Variants in VAPB observed in about 807,000 individuals in gnomAD.
The protein encoded by VAPB is VAMP associated protein B and C.
Under a neutral mutation model 25.6 loss-of-function variants are expected in VAPB, and 7 were observed. That is an observed-to-expected ratio of 0.27 (90% CI 0.16 to 0.51). VAPB has a LOEUF of 0.51. VAPB is among the 20% of genes least tolerant of loss of function. The pLI is 0.97. For synonymous variants in VAPB, 112 were observed against 109.2 expected (o/e 1.03, Z -0.16); for missense variants, 266 against 301.3 (o/e 0.88, Z 0.87).
chr20:58,389,310 C>G lies in VAPB; in HGVS notation c.-150C>G, dbSNP rs572151788. Reference sequence around the variant, plus strand: ...CTGCACCGCGTAGACCGACCCCCCCCCAGCGCGCCCACCCGGTAGAGGACC... The same window carrying G: ...CTGCACCGCGTAGACCGACCCCCCCGCAGCGCGCCCACCCGGTAGAGGACC... On this transcript the variant is annotated 5_prime_UTR_variant, in exon 1 of 6. Coordinates refer to ENST00000475243, the MANE Select transcript of VAPB (RefSeq NM_004738.5). 18 of 724,306 alleles carry G rather than the reference C, an allele frequency of 2.5e-5. 2 individuals are homozygous for G. Among genetic ancestry groups the G allele is most frequent in the East Asian group, 1.7e-4 (5 of 30,078 alleles). The allele number at this position is 724,306 out of a possible 1,614,324, so 44.9% of individuals were successfully genotyped here.
chr20:58,399,157 C>T (rs1009877832), intron 1 of VAPB, among the ~76,000 whole-genome samples: 1 of 151,726 alleles, frequency 6.6e-6, no homozygotes, highest in African/African-American at 2.4e-5. Flanking sequence ...AAAAGTTAGC[C>T]GGGCGTGGTG....
chr20:58,389,792 T>C (rs1438977925), intron 1 of VAPB, among the ~76,000 whole-genome samples: 1 of 152,174 alleles, frequency 6.6e-6, no homozygotes, highest in Non-Finnish European at 1.5e-5. Context: ...CTTGTCACTT[T>C]GTAACTTACC....
chr20:58,420,200 G>C (rs1454713244), intron 2 of VAPB, among the ~76,000 whole-genome samples: 1 of 152,158 alleles, frequency 6.6e-6, no homozygotes, highest in Non-Finnish European at 1.5e-5. Flanking sequence ...GGCTAGGCTG[G>C]TCTCAAACTC....
chr20:58,448,725 A>T lies in VAPB; in HGVS notation c.*4490A>T, dbSNP rs1269597249. On this transcript the variant is annotated 3_prime_UTR_variant, in exon 6 of 6. Coordinates refer to ENST00000475243, the MANE Select transcript of VAPB (RefSeq NM_004738.5). ...TCACACTAAAGTAAGTAGAATTAAG[A>T]CTGTAGTTCAGATGCTTTTTCTTTT... 2.2e-6 allele frequency: 1 copy of T among 454,014 alleles called. No homozygotes were observed. The highest frequency in any genetic ancestry group is 4.4e-6 in the Non-Finnish European group (1 of 226,758). The allele number at this position is 454,014 out of a possible 1,614,324, so 28.1% of individuals were successfully genotyped here.
intron 1 of VAPB, among the ~76,000 whole-genome samples, chr20:58,413,137 TTC>T (rs1415115129): frequency 3.6e-4 from 19 of 52,830 alleles, no homozygotes; most frequent in Admixed American, 1.0e-3. Flanking sequence ...TGTATTTGCC[TTC>T]TTTTTTTTTT....
chr20:58,423,886 G>C (rs1568712100), intron 2 of VAPB, among the ~76,000 whole-genome samples: 1 of 152,170 alleles, frequency 6.6e-6, no homozygotes, highest in Non-Finnish European at 1.5e-5. Context: ...CAGCAGATGA[G>C]AGATTCTGCT....
At chr20:58,428,800 A>G (rs1167098234) in intron 2 of VAPB, among the ~76,000 whole-genome samples, 1 of 152,220 alleles carries the variant, frequency 6.6e-6, no homozygotes, top group Non-Finnish European at 1.5e-5. Context: ...AGCAAATTGA[A>G]TTTGACATGA....
At chr20:58,406,740 A>C (rs555121428) in intron 1 of VAPB, among the ~76,000 whole-genome samples, 1 of 152,186 alleles carries the variant, frequency 6.6e-6, no homozygotes, top group Non-Finnish European at 1.5e-5. Context: ...AACTGTTAAA[A>C]CAACTACAAC....
chr20:58,400,091 C>A (rs543244441), intron 1 of VAPB, among the ~76,000 whole-genome samples: 2 of 152,308 alleles, frequency 1.3e-5, no homozygotes, highest in African/African-American at 4.8e-5. Flanking sequence ...GAAGACTTTA[C>A]AGAATGTGAA....
chr20:58,402,978 C>A (rs1988135426), intron 1 of VAPB, among the ~76,000 whole-genome samples: 1 of 152,088 alleles, frequency 6.6e-6, no homozygotes, highest in South Asian at 2.1e-4. Flanking sequence ...GCACTCCACT[C>A]TGGGTGACAG....
intron 2 of VAPB, among the ~76,000 whole-genome samples, chr20:58,429,640 G>A (rs115477948): frequency 0.01 from 1,543 of 152,314 alleles, 8 homozygotes; most frequent in Middle Eastern, 0.034. Context: ...CATTCCTTCC[G>A]TAAGGGATGT....
rs1392475929 is a variant in VAPB, at chr20:58,440,931, A to G, written c.421A>G (p.Ile141Val). The G allele has an allele frequency of 5.6e-6, 9 of 1,613,914 alleles. No individual in the cohort carries two copies. Among genetic ancestry groups the G allele is most frequent in the Non-Finnish European group, 7.6e-6 (9 of 1,179,886 alleles). ...GCATGATGTAGAAATAAATAAAATT[A>G]TATCCACAACTGCATCAAAGACAGA... ...KPHDVEINKI[I>V]STTASKTETP... is the part of the protein sequence containing the mutation. The change falls in exon 5 of 6, where the codon ATA becomes GTA. Residue 141 changes from isoleucine (I) to valine (V), a missense_variant. By Grantham distance (29) the Ile-to-Val change is conservative. Around this residue, in one of 3 missense-constraint regions of VAPB, gnomAD observed 136 missense variants for 130.7 expected, o/e 1.04. Transcript: ENST00000475243.
At position 58,446,320 on chromosome 20, in the gene VAPB, C is replaced by T. The variant is rs956140228; in HGVS notation, c.*2085C>T. On this transcript the variant is annotated 3_prime_UTR_variant, in exon 6 of 6. Transcript: ENST00000475243. ...TAAAATTTACTAATTGTAGTTGCTG[C>T]AGCCAGTTAAGTCCTGTAGCTTCCA... The T allele has an allele frequency of 6.6e-6, 3 of 453,994 alleles. No individual in the cohort carries two copies. Among genetic ancestry groups the T allele is most frequent in the Non-Finnish European group, 1.3e-5 (3 of 226,808 alleles). The allele number at this position is 453,994 out of a possible 1,614,324, so 28.1% of individuals were successfully genotyped here.
At chr20:58,419,979 A>G (rs888279625) in intron 2 of VAPB, among the ~76,000 whole-genome samples, 1 of 151,956 alleles carries the variant, frequency 6.6e-6, no homozygotes, top group Non-Finnish European at 1.5e-5. Flanking sequence ...GTGTATGTGT[A>G]TGTCTCTATC....
chr20:58,415,718 C>T lies in VAPB; in HGVS notation c.59-2493C>T, dbSNP rs558746036. 1.5e-4 allele frequency among the ~76,000 whole-genome samples: 23 copies of T among 152,142 alleles called. No individual in the cohort carries two copies. The South Asian group carries it at 4.6e-3, about 30-fold the overall frequency. On this transcript the variant is annotated intron_variant, in intron 1 of 5. Coordinates refer to ENST00000475243, the MANE Select transcript of VAPB (RefSeq NM_004738.5). The stretch of plus-strand genomic sequence containing the variant: ...TATGCATGTTGGTATAGTAAAATCC[C>T]ATTTTTTACATAATGCTTTAATGGA...
rs773474218 is a variant in VAPB at position 58,446,852 on chromosome 20, C to T, written c.*2617C>T. The stretch of plus-strand genomic sequence containing the variant: ...GAAAGAATGTGGAGCACGCGTGGCT[C>T]CTGGAGGACTTGGAGATGCATGCAC... On this transcript the variant is annotated 3_prime_UTR_variant, in exon 6 of 6. Coordinates refer to ENST00000475243, the MANE Select transcript of VAPB (RefSeq NM_004738.5). 6.6e-6 allele frequency: 3 copies of T among 454,000 alleles called. No homozygotes were observed. The highest frequency in any genetic ancestry group is 4.7e-5 in the South Asian group (3 of 64,460). 28.1% of individuals were successfully genotyped at this position (454,000 alleles called of 1,614,324 possible).
chr20:58,393,765 T>A (rs965346188), intron 1 of VAPB, among the ~76,000 whole-genome samples: 12 of 152,136 alleles, frequency 7.9e-5, no homozygotes, highest in African/African-American at 2.9e-4. Context: ...GGAGTTTGGC[T>A]CTTGTTGCTC....
At chr20:58,400,058 A>G (rs539334871) in intron 1 of VAPB, among the ~76,000 whole-genome samples, 1 of 152,334 alleles carries the variant, frequency 6.6e-6, no homozygotes, top group South Asian at 2.1e-4. Context: ...TAGAGATGAG[A>G]GGCCTTTGCA....
chr20:58,392,752 G>A (rs892141620), intron 1 of VAPB, among the ~76,000 whole-genome samples: 6 of 152,166 alleles, frequency 3.9e-5, no homozygotes, highest in Non-Finnish European at 7.3e-5. Flanking sequence ...TAAGTTGATC[G>A]TATGGGATTG....
Sources: gnomAD v4.1 joint callset for allele counts (sites outside exome capture counted in the v4.1 genomes callset) on GRCh38, gnomAD v4.1.1 for gene constraint, gnomAD v4.1.1 regional missense constraint, MANE v1.5 for transcripts, NCBI Gene and HGNC (gene_info 2026-07-23, HGNC 2026-07-21) for gene names.